Variants in INTS14 observed in about 807,000 individuals in gnomAD.
INTS14 encodes the protein UPF0464 protein C15orf44.
In INTS14, 27 loss-of-function variants were observed where a neutral mutation model predicts 56.9. That is an observed-to-expected ratio of 0.47 (90% CI 0.35 to 0.65). The LOEUF is 0.65. Among genes scored for constraint, INTS14 ranks in the 30% least tolerant of loss-of-function variants. INTS14 has a pLI of 0.00. For missense variants in INTS14, 517 were observed against 632.2 expected, an observed-to-expected ratio of 0.82 and a Z score of 1.95; for synonymous variants, 207 against 236.2, an observed-to-expected ratio of 0.88 and a Z score of 1.13.
At position 65,607,459 on chromosome 15, in the gene INTS14, C is replaced by T. The variant is rs761162152; in HGVS notation, c.-62-17G>A. The T allele has an allele frequency of 3.2e-6, 5 of 1,573,384 alleles. No individual in the cohort carries two copies. Among genetic ancestry groups the T allele is most frequent in the East Asian group, 2.3e-5 (1 of 43,974 alleles). On this transcript the variant is annotated splice_polypyrimidine_tract_variant and intron_variant, in intron 1 of 11. Coordinates refer to ENST00000313182, the MANE Select transcript of INTS14 (RefSeq NM_001394796.1). ...GAAGAAATGCTGCAGAAAATAAATA[C>T]GTTCTTACATGTCATGGAGAGAAAA...
chr15:65,596,594 G>A (rs2073219942), intron 6 of INTS14, among the ~76,000 whole-genome samples: 1 of 151,908 alleles, frequency 6.6e-6, no homozygotes, highest in African/African-American at 2.4e-5. Context: ...TTTTGAGATG[G>A]AGTTTCGCTC....
At chr15:65,600,117 C>T (rs1185991033) in intron 3 of INTS14, among the ~76,000 whole-genome samples, 188 bp from the exon 4 acceptor site, 1 of 151,016 alleles carries the variant, frequency 6.6e-6, no homozygotes, top group Non-Finnish European at 1.5e-5. Context: ...CCAGCCTGGG[C>T]AACATAAGGA....
rs2072489904 is a variant in INTS14 at position 65,579,358 on chromosome 15, A to T, written c.*50T>A. On this transcript the variant is annotated 3_prime_UTR_variant, in exon 12 of 12. Coordinates refer to ENST00000313182, the MANE Select transcript of INTS14 (RefSeq NM_001394796.1). ...AACATACTGGAAAGGTTTTTACCTA[A>T]AGCATTTTCAGTTGAAATGAAAAAA... 1 of 1,587,250 alleles carries T rather than the reference A, an allele frequency of 6.3e-7. No homozygotes were observed. The highest frequency in any genetic ancestry group is 1.7e-5 in the Admixed American group (1 of 58,358).
chr15:65,598,467 G>C lies in INTS14; in HGVS notation c.606-4C>G. 1 of 1,612,518 alleles carries C rather than the reference G, an allele frequency of 6.2e-7. No individual in the cohort carries two copies. The highest frequency in any genetic ancestry group is 8.5e-7 in the Non-Finnish European group (1 of 1,179,042). Reference sequence around the variant, plus strand: ...ATATGCCAAATCTATCAGTTTTCTAGAATATGATAATTAATAGTTATAGGA... The same window carrying C: ...ATATGCCAAATCTATCAGTTTTCTACAATATGATAATTAATAGTTATAGGA... On this transcript the variant is annotated splice_polypyrimidine_tract_variant and splice_region_variant and intron_variant, in intron 5 of 11. Coordinates refer to ENST00000313182, the MANE Select transcript of INTS14 (RefSeq NM_001394796.1).
chr15:65,596,237 A>C (rs1277821482), intron 6 of INTS14, among the ~76,000 whole-genome samples: 1 of 152,244 alleles, frequency 6.6e-6, no homozygotes, highest in Admixed American at 6.5e-5. Context: ...CTGAGAAAGA[A>C]CTGTATTCTC....
At chr15:65,584,940 A>T (rs1268656483) in intron 9 of INTS14, 52 bp from the exon 10 acceptor site, 7 of 1,464,840 alleles carry the variant, frequency 4.8e-6, no homozygotes, top group Non-Finnish European at 6.6e-6. Context: ...ACAATCAGTT[A>T]CATTTCCATT....
At chr15:65,606,499 C>G (rs1409753568) in intron 2 of INTS14, among the ~76,000 whole-genome samples, 1 of 151,746 alleles carries the variant, frequency 6.6e-6, no homozygotes, top group Non-Finnish European at 1.5e-5. Context: ...AAGTGATCCT[C>G]TCGCCTTGGC....
In INTS14 at chr15:65,598,207, C is replaced by T. The variant is rs150662544; in HGVS notation, c.748+114G>A. 1.2e-4 allele frequency: 136 copies of T among 1,089,768 alleles called. 1 individual carries two copies. The East Asian group carries it at 3.4e-3, about 28-fold the overall frequency. 67.5% of individuals were successfully genotyped at this position (1,089,768 alleles called of 1,614,324 possible). A position where few individuals can be genotyped will look rare whatever the true frequency, so the allele number is the denominator to read the frequency against. ...TGGGTAAGGAATACTCAACCTGTACCACAATATATATTTCTTTTCAACCTT... is the reference window on the plus strand; with the variant it reads ...TGGGTAAGGAATACTCAACCTGTACTACAATATATATTTCTTTTCAACCTT... On this transcript the variant is annotated intron_variant, in intron 6 of 11. Coordinates refer to ENST00000313182, the MANE Select transcript of INTS14 (RefSeq NM_001394796.1).
chr15:65,604,848 T>C (rs986824422), intron 3 of INTS14, among the ~76,000 whole-genome samples: 2 of 152,166 alleles, frequency 1.3e-5, no homozygotes, highest in African/African-American at 4.8e-5. Context: ...CTTCCAGGGA[T>C]TGTAGTTCAA....
intron 1 of INTS14, 118 bp downstream of exon 1, chr15:65,610,980 G>A: frequency 1.3e-6 from 2 of 1,489,736 alleles, no homozygotes; most frequent in Non-Finnish European, 8.9e-7. Flanking sequence ...CGGGGCGGCC[G>A]CCACGGTGGC....
rs747940838 is a variant in INTS14, at chr15:65,579,378, A to G, written c.*30T>C. 1.9e-6 allele frequency: 3 copies of G among 1,597,398 alleles called. No homozygotes were observed. Among genetic ancestry groups the G allele is most frequent in the Non-Finnish European group, 2.6e-6 (3 of 1,167,800 alleles). The stretch of plus-strand genomic sequence containing the variant: ...ACCTAAAGCATTTTCAGTTGAAATG[A>G]AAAAAGAAGGAAAGCTCCAAAAGTC... On this transcript the variant is annotated 3_prime_UTR_variant, in exon 12 of 12. Coordinates refer to ENST00000313182, the MANE Select transcript of INTS14 (RefSeq NM_001394796.1).
chr15:65,583,207 G>C (rs578205555), intron 10 of INTS14, among the ~76,000 whole-genome samples: 1 of 152,206 alleles, frequency 6.6e-6, no homozygotes, highest in South Asian at 2.1e-4. Flanking sequence ...CAAGAGTATT[G>C]AAAACAAATG....
chr15:65,600,839 A>G (rs779822818), intron 3 of INTS14, among the ~76,000 whole-genome samples: 1 of 152,214 alleles, frequency 6.6e-6, no homozygotes, highest in Non-Finnish European at 1.5e-5. Context: ...TTCATCTAAT[A>G]AAATATTTTT....
chr15:65,589,887 C>T (rs1177269884), intron 9 of INTS14, among the ~76,000 whole-genome samples: 1 of 152,190 alleles, frequency 6.6e-6, no homozygotes, highest in African/African-American at 2.4e-5. Context: ...TCCTAAACTT[C>T]AGACTTCTAC....
rs375216827 is a variant in INTS14, at chr15:65,607,309, T to C, written c.72A>G (p.Glu24=). 3 of 1,614,080 alleles carry C rather than the reference T, an allele frequency of 1.9e-6. No individual in the cohort carries two copies. In the African/African-American group the frequency reaches 4.0e-5, roughly 22 times the overall value. The change falls in exon 2 of 12, where the codon GAA becomes GAG. Residue 24 remains glutamate (E), a synonymous_variant. Transcript: ENST00000313182. ...GGGCTGCTAGGTGCTTACGCTGGTATTCCTCGGACCCCTCAATAGACACAG... is the reference window on the plus strand; with the variant it reads ...GGGCTGCTAGGTGCTTACGCTGGTACTCCTCGGACCCCTCAATAGACACAG... ...TRPVSIEGSE[E]YQRKHLAAHG... is the part of the protein sequence containing the mutation.
intron 9 of INTS14, among the ~76,000 whole-genome samples, chr15:65,589,074 G>T (rs1178245217): frequency 6.6e-6 from 1 of 152,242 alleles, no homozygotes; most frequent in Non-Finnish European, 1.5e-5. Flanking sequence ...GTGTTGCTAT[G>T]TTGGAAGCCA....
chr15:65,608,409 C>G (rs2073735201), intron 1 of INTS14, among the ~76,000 whole-genome samples: 1 of 148,572 alleles, frequency 6.7e-6, no homozygotes, highest in African/African-American at 2.5e-5. Context: ...CTGGAATTAT[C>G]TCATGAAATT....
Position 65,595,900 on chromosome 15 carries a change from C to T in INTS14, c.749-75G>A, listed in dbSNP as rs1211997258. The stretch of plus-strand genomic sequence containing the variant: ...ATTATTTTCCATGTATTACATTTCA[C>T]AAATGCACTGTTTAGGTTGGGGTTT... On this transcript the variant is annotated intron_variant, in intron 6 of 11. Coordinates refer to ENST00000313182, the MANE Select transcript of INTS14 (RefSeq NM_001394796.1). 2.6e-6 allele frequency: 3 copies of T among 1,156,870 alleles called. No homozygotes were observed. The East Asian group carries it at 7.8e-5, about 30-fold the overall frequency. 71.7% of individuals were successfully genotyped at this position (1,156,870 alleles called of 1,614,324 possible).
At chr15:65,609,915 A>G (rs2073820148) in intron 1 of INTS14, among the ~76,000 whole-genome samples, 1 of 152,110 alleles carries the variant, frequency 6.6e-6, no homozygotes, top group South Asian at 2.1e-4. Flanking sequence ...ACACCTCTGG[A>G]GCTGGCTCTT....
Sources: allele counts gnomAD v4.1 joint callset (sites outside exome capture counted in the v4.1 genomes callset), GRCh38; gene constraint gnomAD v4.1.1; transcripts MANE v1.5; gene names NCBI Gene and HGNC (gene_info 2026-07-23, HGNC 2026-07-21).